Variants in DOCK2 observed in about 807,000 individuals in gnomAD.
DOCK2 encodes the protein dedicator of cytokinesis 2, also known as dedicator of cytokinesis protein 2.
A neutral mutation model predicts 248.9 loss-of-function variants in DOCK2; 87 were observed. The observed-to-expected ratio is 0.35, with a 90% confidence interval of 0.29 to 0.42. The LOEUF (loss-of-function observed/expected upper bound fraction) is 0.42, where lower values mean the gene tolerates loss of function less well. Ranked by LOEUF, DOCK2 falls within the 10% of genes least tolerant of loss-of-function variation. DOCK2 has a pLI of 1.00. For missense variants in DOCK2, 1,747 were observed against 2,300.2 expected (o/e 0.76, Z 4.92); for synonymous variants, 805 against 821.6 (o/e 0.98, Z 0.35).
intron 30 of DOCK2, among the ~76,000 whole-genome samples, chr5:169,997,204 AG>A (rs1333694529): frequency 7.0e-6 from 1 of 142,328 alleles, no homozygotes; most frequent in African/African-American, 2.8e-5. Context: ...GCATACACAT[AG>A]ACATCTCAAT....
At chr5:169,752,699 G>A (rs1163117698) in intron 23 of DOCK2, among the ~76,000 whole-genome samples, 2 of 152,148 alleles carry the variant, frequency 1.3e-5, no homozygotes, top group East Asian at 1.9e-4. Flanking sequence ...AGGGGATCAA[G>A]GCTGCAGTGA....
intron 27 of DOCK2, among the ~76,000 whole-genome samples, chr5:169,950,558 G>T (rs1193233399): frequency 1.3e-5 from 2 of 152,172 alleles, no homozygotes; most frequent in Non-Finnish European, 2.9e-5. Context: ...TTCTCTGGGG[G>T]TTGTGTCAGT....
intron 26 of DOCK2, among the ~76,000 whole-genome samples, chr5:169,808,291 A>G (rs573272609): frequency 1.3e-5 from 2 of 152,278 alleles, no homozygotes; most frequent in Admixed American, 6.5e-5. Context: ...CAGGATGCCA[A>G]GCTTCCATTT....
intron 34 of DOCK2, among the ~76,000 whole-genome samples, chr5:170,032,098 C>T (rs1397391000): frequency 6.6e-6 from 1 of 151,324 alleles, no homozygotes; most frequent in Non-Finnish European, 1.5e-5. Flanking sequence ...GCGATCTCGG[C>T]TCACTGCAAG....
intron 2 of DOCK2, among the ~76,000 whole-genome samples, chr5:169,662,178 A>C (rs1195858116): frequency 6.6e-6 from 1 of 152,132 alleles, no homozygotes; most frequent in Non-Finnish European, 1.5e-5. Context: ...GTGATATCTC[A>C]TTGTGGTTTG....
chr5:169,786,207 TA>T (rs771630154), intron 25 of DOCK2, among the ~76,000 whole-genome samples: 32 of 152,306 alleles, frequency 2.1e-4, no homozygotes, highest in Non-Finnish European at 3.8e-4. Context: ...CAGCACCTCA[TA>T]AATTATGATC....
chr5:169,923,934 C>G (rs1775304874), intron 27 of DOCK2, among the ~76,000 whole-genome samples: 2 of 152,302 alleles, frequency 1.3e-5, no homozygotes, highest in South Asian at 4.1e-4. Context: ...TTGGAGAATT[C>G]TCTAAATTTG....
chr5:169,983,188 G>A, intron 28 of DOCK2, 22 bp downstream of exon 28: 1 of 1,612,612 alleles, frequency 6.2e-7, no homozygotes, highest in Non-Finnish European at 8.5e-7. Flanking sequence ...GGATGCTGGG[G>A]GTGAGGAAGA....
intron 1 of DOCK2, among the ~76,000 whole-genome samples, chr5:169,649,993 G>A (rs1376365089): frequency 1.3e-5 from 2 of 151,962 alleles, no homozygotes; most frequent in Non-Finnish European, 2.9e-5. Flanking sequence ...TAGTACAGTC[G>A]GGGTTTCACC....
chr5:169,897,725 A>G (rs1773696360), intron 27 of DOCK2, among the ~76,000 whole-genome samples: 1 of 152,194 alleles, frequency 6.6e-6, no homozygotes, highest in African/African-American at 2.4e-5. Context: ...CTCCCTGTCC[A>G]TGCAAGCATT....
intron 40 of DOCK2, among the ~76,000 whole-genome samples, chr5:170,048,903 A>G (rs139657256): frequency 1.5e-3 from 228 of 152,300 alleles, no homozygotes; most frequent in Non-Finnish European, 2.8e-3. Context: ...CTGATCTCCA[A>G]CCTCACTTGA....
At chr5:169,839,952 G>T (rs2113329597) in intron 26 of DOCK2, among the ~76,000 whole-genome samples, 1 of 152,236 alleles carries the variant, frequency 6.6e-6, no homozygotes, top group South Asian at 2.1e-4. Context: ...CCTTATTCCA[G>T]CTCAGATCCT....
intron 27 of DOCK2, among the ~76,000 whole-genome samples, chr5:169,877,682 T>C (rs1054783964): frequency 6.6e-6 from 1 of 152,110 alleles, no homozygotes; most frequent in African/African-American, 2.4e-5. Flanking sequence ...TAGATTGATA[T>C]AGATATCAGA....
At chr5:169,723,949 G>C (rs1265291475) in intron 22 of DOCK2, among the ~76,000 whole-genome samples, 3 of 152,214 alleles carry the variant, frequency 2.0e-5, no homozygotes, top group Non-Finnish European at 4.4e-5. Context: ...CATTAAGTAT[G>C]AAATTGGACA....
chr5:169,757,364 TA>T (rs34457399), intron 23 of DOCK2, among the ~76,000 whole-genome samples: 1 of 151,258 alleles, frequency 6.6e-6, no homozygotes, highest in African/African-American at 2.4e-5. Flanking sequence ...GTTCTATAGT[TA>T]AAAAAAAACT....
chr5:169,661,406 A>G (rs1490394743), intron 2 of DOCK2, among the ~76,000 whole-genome samples: 1 of 152,240 alleles, frequency 6.6e-6, no homozygotes, highest in Non-Finnish European at 1.5e-5. Context: ...AGTGAAACAA[A>G]TGACCATATC....
chr5:170,076,183 C>G, intron 47 of DOCK2, 99 bp downstream of exon 47: 1 of 1,489,472 alleles, frequency 6.7e-7, no homozygotes, highest in Non-Finnish European at 9.1e-7. Context: ...GCAAAGGAAG[C>G]TGCTTCCAAA....
At chr5:169,708,122 A>G in intron 14 of DOCK2, 47 bp from the exon 15 acceptor site, 2 of 1,591,600 alleles carry the variant, frequency 1.3e-6, no homozygotes, top group Non-Finnish European at 1.7e-6. Flanking sequence ...AGCACAGAAA[A>G]TGACAATTCT....
Position 169,810,452 on chromosome 5 carries a change from G to A in DOCK2, c.2703+7246G>A, listed in dbSNP as rs537642892. ...CTCTTACTAGTGATTCATGAGTCAG[G>A]CATTCGTATCTAAAAGACAGAAGGA... On this transcript the variant is annotated intron_variant, in intron 26 of 51. Transcript: ENST00000520908. Among the ~76,000 whole-genome samples the A allele has an allele frequency of 3.3e-4, 50 of 152,344 alleles. 2 individuals carry two copies. The South Asian group carries it at 5.4e-3, about 16-fold the overall frequency.
Sources: gnomAD v4.1 joint callset for allele counts (sites outside exome capture counted in the v4.1 genomes callset) on GRCh38, gnomAD v4.1.1 for gene constraint, MANE v1.5 for transcripts, NCBI Gene and HGNC (gene_info 2026-07-23, HGNC 2026-07-21) for gene names.